Variants in YAP1 observed in about 807,000 individuals in gnomAD.
YAP1 encodes Yes1 associated transcriptional regulator, also known as transcriptional coactivator YAP1.
A neutral mutation model predicts 56.9 loss-of-function variants in YAP1; 5 were observed. The ratio of observed to expected loss-of-function variants is 0.09; its 90% confidence interval spans 0.05 to 0.18. The LOEUF (loss-of-function observed/expected upper bound fraction) is 0.18. Among genes scored for constraint, YAP1 ranks in the 10% least tolerant of loss-of-function variants. YAP1 has a pLI of 1.00. For missense variants in YAP1, 539 were observed against 651.8 expected (o/e 0.83, Z 1.88); for synonymous variants, 265 against 248.1 (o/e 1.07, Z -0.64).
At chr11:102,172,974 A>G (rs1007467301) in intron 3 of YAP1, among the ~76,000 whole-genome samples, 21 of 152,190 alleles carry the variant, frequency 1.4e-4, no homozygotes, top group Non-Finnish European at 2.9e-4. Context: ...AGTCTGTGAA[A>G]GGCAGAATGG....
intron 2 of YAP1, among the ~76,000 whole-genome samples, chr11:102,147,818 C>T (rs1176084876): frequency 2.0e-5 from 3 of 152,140 alleles, no homozygotes; most frequent in African/African-American, 7.2e-5. Context: ...TTTTACTAAA[C>T]ATTTCGTAAC....
chr11:102,205,585 C>T lies in YAP1; in HGVS notation c.803-308C>T, dbSNP rs151278465. Among the ~76,000 whole-genome samples the T allele has an allele frequency of 3.7e-3, 558 of 152,064 alleles. 2 individuals are homozygous for T. Among genetic ancestry groups the T allele is most frequent in the African/African-American group, 0.013 (519 of 41,496 alleles). On this transcript the variant is annotated intron_variant, in intron 4 of 8. Coordinates refer to ENST00000282441, the MANE Select transcript of YAP1 (RefSeq NM_001130145.3). ...TCACCCCCGCTCCCTTCCCCCACCC[C>T]GTTTTTTTTAAACACTTTCTCTTCT...
At chr11:102,172,309 T>C (rs1309497430) in intron 3 of YAP1, among the ~76,000 whole-genome samples, 2 of 137,136 alleles carry the variant, frequency 1.5e-5, no homozygotes, top group African/African-American at 2.8e-5. Flanking sequence ...AATTTTTTTT[T>C]TTTTTTTTTT....
At chr11:102,201,145 C>T (rs1852094326) in intron 4 of YAP1, among the ~76,000 whole-genome samples, 1 of 152,106 alleles carries the variant, frequency 6.6e-6, no homozygotes, top group African/African-American at 2.4e-5. Context: ...GTACTCTTTA[C>T]TAATAATGAA....
intron 4 of YAP1, chr11:102,186,433 GT>G (rs879806527): frequency 0.058 from 13,748 of 237,640 alleles, no homozygotes; most frequent in South Asian, 0.12. Flanking sequence ...TTTTTAAAAT[GT>G]TTTTTTTTTT....
chr11:102,189,296 A>G (rs962935536), intron 4 of YAP1, among the ~76,000 whole-genome samples: 1 of 152,146 alleles, frequency 6.6e-6, no homozygotes, highest in Non-Finnish European at 1.5e-5. Flanking sequence ...ATTTTCCAGT[A>G]AAAGGCCTAA....
chr11:102,175,480 G>A (rs948827846), intron 3 of YAP1, among the ~76,000 whole-genome samples: 5 of 152,092 alleles, frequency 3.3e-5, no homozygotes, highest in Non-Finnish European at 7.4e-5. Flanking sequence ...CCCATATTCG[G>A]CTTATCAAAG....
rs143156172 is a variant in YAP1, at chr11:102,191,880, C to A, written c.802+5749C>A. On this transcript the variant is annotated intron_variant, in intron 4 of 8. Transcript: ENST00000282441. ...TAGACATGGGGTTTTGCCGTGTTGCCCAGGCTGGTCTCAAACCCCTGGGGC... is the reference window on the plus strand; with the variant it reads ...TAGACATGGGGTTTTGCCGTGTTGCACAGGCTGGTCTCAAACCCCTGGGGC... Among the ~76,000 whole-genome samples, 1,451 of 152,200 alleles carry A rather than the reference C, an allele frequency of 9.5e-3. 34 individuals are homozygous for A. The highest frequency in any genetic ancestry group is 6.9e-3 in the Non-Finnish European group (470 of 68,014).
chr11:102,225,332 A>T (rs1311220148), intron 7 of YAP1, among the ~76,000 whole-genome samples: 1 of 152,176 alleles, frequency 6.6e-6, no homozygotes, highest in African/African-American at 2.4e-5. Context: ...CTAAAAATAC[A>T]AAATTAGTTG....
At chr11:102,119,530 TAA>T (rs905312765) in intron 2 of YAP1, among the ~76,000 whole-genome samples, 4 of 152,092 alleles carry the variant, frequency 2.6e-5, no homozygotes, top group Non-Finnish European at 2.9e-5. Context: ...GGTGGTAGGC[TAA>T]TTTTCTTTTT....
intron 2 of YAP1, among the ~76,000 whole-genome samples, chr11:102,146,572 G>C (rs1203995809): frequency 6.6e-6 from 1 of 152,108 alleles, no homozygotes; most frequent in Non-Finnish European, 1.5e-5. Flanking sequence ...TCTTTTTCCT[G>C]TAGCTCGTAC....
intron 2 of YAP1, among the ~76,000 whole-genome samples, chr11:102,121,604 C>T (rs907173510): frequency 7.9e-5 from 12 of 152,042 alleles, no homozygotes; most frequent in African/African-American, 2.9e-4. Context: ...ATGCCACCAC[C>T]CCATTGGTCA....
At chr11:102,112,612 G>C (rs1565414674) in intron 1 of YAP1, 1 of 984,938 alleles carries the variant, frequency 1.0e-6, no homozygotes, top group African/African-American at 1.8e-5. Context: ...CTGTTGTATA[G>C]TCTCCTGTCG....
rs117067610 is a variant in YAP1, at chr11:102,161,863, A to G, written c.573-593A>G. Among the ~76,000 whole-genome samples, 628 of 152,326 alleles carry G rather than the reference A, an allele frequency of 4.1e-3. 5 individuals carry two copies. The highest frequency in any genetic ancestry group is 7.1e-3 in the Non-Finnish European group (482 of 68,030). ...ACATGTATTTCTCAGTAAGTTAACA[A>G]TTATGTAGAAAATGTTCAGCAAACA... On this transcript the variant is annotated intron_variant, in intron 2 of 8. Coordinates refer to ENST00000282441, the MANE Select transcript of YAP1 (RefSeq NM_001130145.3).
At chr11:102,111,265 G>A (rs1274862277) in intron 1 of YAP1, 96 bp downstream of exon 1, 3 of 1,458,970 alleles carry the variant, frequency 2.1e-6, no homozygotes, top group South Asian at 1.3e-5. Context: ...GTCAGGGGAG[G>A]GGGGTTGCGG....
At chr11:102,111,702 CCT>C (rs1364612072) in intron 1 of YAP1, among the ~76,000 whole-genome samples, 1 of 152,204 alleles carries the variant, frequency 6.6e-6, no homozygotes, top group Non-Finnish European at 1.5e-5. Flanking sequence ...TCCTTTGCGG[CCT>C]CTCGGTCCAC....
intron 2 of YAP1, among the ~76,000 whole-genome samples, chr11:102,123,228 C>G (rs2135176275): frequency 6.6e-6 from 1 of 152,256 alleles, no homozygotes; most frequent in East Asian, 1.9e-4. Flanking sequence ...ATTTCCTTGC[C>G]TGGCCAACTG....
chr11:102,120,919 A>C (rs908474996), intron 2 of YAP1, among the ~76,000 whole-genome samples: 2 of 152,250 alleles, frequency 1.3e-5, no homozygotes, highest in Non-Finnish European at 2.9e-5. Context: ...TGGGATAAAA[A>C]GTACATACGC....
intron 3 of YAP1, among the ~76,000 whole-genome samples, chr11:102,183,702 C>CTG (rs140546191): frequency 0.14 from 20,314 of 141,678 alleles, 1,404 homozygotes; most frequent in Middle Eastern, 0.24. Flanking sequence ...AATGCTGTTT[C>CTG]TGTGTGTGTG....
Sources: allele counts gnomAD v4.1 joint callset (sites outside exome capture counted in the v4.1 genomes callset), GRCh38; gene constraint gnomAD v4.1.1; transcripts MANE v1.5; gene names NCBI Gene and HGNC (gene_info 2026-07-23, HGNC 2026-07-21).